Variants in BMPR1A observed in about 807,000 individuals in gnomAD.
The protein encoded by BMPR1A is bone morphogenetic protein receptor type-1A.
In BMPR1A, 7 loss-of-function variants were observed where a neutral mutation model predicts 66.0. The observed-to-expected ratio is 0.11, with a 90% CI of 0.06 to 0.20. The LOEUF is 0.20. Ranked by LOEUF, BMPR1A falls within the 10% of genes least tolerant of loss-of-function variation. BMPR1A has a pLI of 1.00. For synonymous variants in BMPR1A, 200 were observed against 229.7 expected, an observed-to-expected ratio of 0.87 and a Z score of 1.17; for missense variants, 408 against 669.1, an observed-to-expected ratio of 0.61 and a Z score of 4.31.
chr10:86,762,119 A>T (rs1463752482), intron 1 of BMPR1A, among the ~76,000 whole-genome samples: 2 of 152,182 alleles, frequency 1.3e-5, no homozygotes, highest in Non-Finnish European at 2.9e-5. Context: ...CTCCCCACTA[A>T]CCCCCATGAT....
chr10:86,815,551 G>A (rs1842025763), intron 1 of BMPR1A, among the ~76,000 whole-genome samples: 1 of 152,118 alleles, frequency 6.6e-6, no homozygotes, highest in Non-Finnish European at 1.5e-5. Flanking sequence ...GCTTGTAGAG[G>A]GACATGGAAG....
At chr10:86,757,474 G>A (rs187346147) in intron 1 of BMPR1A, among the ~76,000 whole-genome samples, 169 of 152,270 alleles carry the variant, frequency 1.1e-3, no homozygotes, top group African/African-American at 3.9e-3. Context: ...TTCAGTTTTG[G>A]AAAACTTTCT....
rs1039368155 is a variant in BMPR1A, at chr10:86,913,290, T to A, written c.675+906T>A. Among the ~76,000 whole-genome samples the A allele has an allele frequency of 6.7e-4, 32 of 47,462 alleles. 1 individual carries two copies. Among genetic ancestry groups the A allele is most frequent in the Non-Finnish European group, 3.6e-5 (1 of 27,660 alleles). 31.1% of individuals were successfully genotyped at this position (47,462 alleles called of 152,430 possible). ...CAGATGCACCACCACACCAGGCTAA[T>A]TTTTTTTTTTTTTTTTTTTTGAGGG... is the stretch of plus-strand genomic sequence containing the variant. On this transcript the variant is annotated intron_variant, in intron 8 of 12. Transcript: ENST00000372037.
chr10:86,930,321 C>A (rs1165193010), downstream of BMPR1A: 1 of 152,600 alleles, frequency 6.6e-6, no homozygotes. Context: ...GCTCTGTCAC[C>A]CAGGCTGGAG....
chr10:86,867,305 T>A (rs946450315), intron 2 of BMPR1A, among the ~76,000 whole-genome samples: 2 of 152,202 alleles, frequency 1.3e-5, no homozygotes, highest in African/African-American at 2.4e-5. Flanking sequence ...ATTACAAATT[T>A]AAAAATCCAA....
At chr10:86,895,256 G>A (rs565784144) in intron 5 of BMPR1A, among the ~76,000 whole-genome samples, 6 of 152,294 alleles carry the variant, frequency 3.9e-5, no homozygotes, top group East Asian at 1.9e-4. Flanking sequence ...TGGGCTGATC[G>A]TGGTGGCACG....
chr10:86,787,520 A>G (rs770589034), intron 1 of BMPR1A, among the ~76,000 whole-genome samples: 3 of 152,244 alleles, frequency 2.0e-5, no homozygotes, highest in Non-Finnish European at 2.9e-5. Flanking sequence ...CCAGTTAAAG[A>G]CATGGGAAAT....
intron 1 of BMPR1A, among the ~76,000 whole-genome samples, chr10:86,816,022 C>A (rs919522301): frequency 2.6e-5 from 4 of 152,150 alleles, no homozygotes; most frequent in Non-Finnish European, 5.9e-5. Context: ...CTGGAAATGG[C>A]CCCTGCATAC....
At chr10:86,815,237 A>G (rs1177010253) in intron 1 of BMPR1A, among the ~76,000 whole-genome samples, 2 of 152,222 alleles carry the variant, frequency 1.3e-5, no homozygotes, top group African/African-American at 2.4e-5. Context: ...TTTTTCCGTT[A>G]TGAAACACAG....
At chr10:86,811,406 T>C (rs1841967370) in intron 1 of BMPR1A, among the ~76,000 whole-genome samples, 1 of 152,198 alleles carries the variant, frequency 6.6e-6, no homozygotes, top group African/African-American at 2.4e-5. Context: ...GCTTGTATTT[T>C]TGTGTGTCTT....
chr10:86,765,887 T>C (rs902619209), intron 1 of BMPR1A, among the ~76,000 whole-genome samples: 1 of 152,114 alleles, frequency 6.6e-6, no homozygotes, highest in Non-Finnish European at 1.5e-5. Flanking sequence ...CTGTCCCCAT[T>C]TCCTAAAATG....
At position 86,918,153 on chromosome 10, in the gene BMPR1A, A is replaced by G. The variant is rs374565174; in HGVS notation, c.868+827A>G. On this transcript the variant is annotated intron_variant, in intron 9 of 12. Coordinates refer to ENST00000372037, the MANE Select transcript of BMPR1A (RefSeq NM_004329.3). Reference sequence around the variant, plus strand: ...CTTCTCCCTGGGTGCCTGGGTCCACATTTCCACCTTACAACATCACCAGCC... The same window carrying G: ...CTTCTCCCTGGGTGCCTGGGTCCACGTTTCCACCTTACAACATCACCAGCC... Among the ~76,000 whole-genome samples the G allele has an allele frequency of 6.6e-5, 10 of 152,244 alleles. No homozygotes were observed. In the East Asian group the frequency reaches 1.4e-3, roughly 21 times the overall value.
intron 1 of BMPR1A, among the ~76,000 whole-genome samples, chr10:86,805,781 G>T (rs562047623): frequency 1.1e-4 from 16 of 152,064 alleles, no homozygotes; most frequent in South Asian, 4.2e-4. Flanking sequence ...ATTTTCTAAG[G>T]ACATGGATAT....
At chr10:86,871,858 T>C (rs1449360617) in intron 2 of BMPR1A, among the ~76,000 whole-genome samples, 1 of 152,158 alleles carries the variant, frequency 6.6e-6, no homozygotes. Context: ...GGTCATGTCT[T>C]TGACAAAGAT....
downstream of BMPR1A, chr10:86,929,168 A>G (rs1186769044): frequency 6.6e-6 from 1 of 152,150 alleles, no homozygotes; most frequent in African/African-American, 2.4e-5. Flanking sequence ...ATTTTCTTAT[A>G]TTACATTTCT....
intron 1 of BMPR1A, among the ~76,000 whole-genome samples, chr10:86,790,713 T>C (rs895651113): frequency 5.3e-5 from 8 of 152,204 alleles, no homozygotes; most frequent in African/African-American, 1.9e-4. Context: ...TGTTGTATTA[T>C]TCTTATTTTT....
At chr10:86,854,770 T>A in intron 2 of BMPR1A, 1 of 245,816 alleles carries the variant, frequency 4.1e-6, no homozygotes, top group Admixed American at 4.0e-5. Flanking sequence ...ATCCTCAGAT[T>A]TAACTTTTCA....
intron 1 of BMPR1A, among the ~76,000 whole-genome samples, chr10:86,805,377 T>TACGC (rs1554880397): frequency 2.1e-5 from 3 of 142,984 alleles, no homozygotes; most frequent in African/African-American, 7.8e-5. Context: ...CTCCTACCTG[T>TACGC]ACACACACAC....
chr10:86,852,666 C>G (rs1327636459), intron 2 of BMPR1A, among the ~76,000 whole-genome samples: 2 of 152,148 alleles, frequency 1.3e-5, no homozygotes, highest in African/African-American at 4.8e-5. Context: ...ATAAGCTAAT[C>G]TAAGTTAGGG....
Sources: allele counts gnomAD v4.1 joint callset (sites outside exome capture counted in the v4.1 genomes callset), GRCh38; gene constraint gnomAD v4.1.1; transcripts MANE v1.5; gene names NCBI Gene and HGNC (gene_info 2026-07-23, HGNC 2026-07-21).